FAT4: variants seen among roughly 807,000 people sequenced by gnomAD.
The protein encoded by FAT4 is protocadherin Fat 4.
FAT4 carries 84 observed loss-of-function variants against 303.9 expected under a neutral mutation model. The observed-to-expected ratio is 0.28, with a 90% CI of 0.23 to 0.33. The LOEUF (loss-of-function observed/expected upper bound fraction) is 0.33. Ranked by LOEUF, FAT4 falls within the 10% of genes least tolerant of loss-of-function variation. The probability of loss-of-function intolerance (pLI) is 1.00; values close to 1 mark genes in which losing one functional copy is unlikely to be tolerated. For missense variants in FAT4, 6,005 were observed against 6,146.8 expected (o/e 0.98, Z 0.77); for synonymous variants, 2,307 against 2,298.8 (o/e 1.00, Z -0.10).
chr4:125,474,440 TA>T (rs33932708), intron 12 of FAT4, among the ~76,000 whole-genome samples: 7,375 of 152,048 alleles, frequency 0.049, 204 homozygotes, highest in East Asian at 0.062. Context: ...TAATCATAAC[TA>T]TCAAAAGAGT....
chr4:125,417,460 G>A (rs1735119219), intron 7 of FAT4, among the ~76,000 whole-genome samples: 1 of 152,208 alleles, frequency 6.6e-6, no homozygotes, highest in Non-Finnish European at 1.5e-5. Context: ...ATCAGGGTCA[G>A]GGGGAAACCA....
chr4:125,432,616 A>AT (rs980368719), intron 7 of FAT4, among the ~76,000 whole-genome samples: 5 of 108,554 alleles, frequency 4.6e-5, no homozygotes, highest in East Asian at 1.1e-3. Context: ...AGGCATTTAC[A>AT]TTTTTTTTTA....
At chr4:125,455,688 G>A (rs4834047) in intron 10 of FAT4, among the ~76,000 whole-genome samples, 151,265 of 152,304 alleles carry the variant, frequency 0.99, 75,124 homozygotes, top group Middle Eastern at 1. Flanking sequence ...TATACATGTC[G>A]CACTCATCAC....
chr4:125,348,888 A>T (rs1051424579), intron 2 of FAT4, among the ~76,000 whole-genome samples: 1 of 151,794 alleles, frequency 6.6e-6, no homozygotes, highest in Non-Finnish European at 1.5e-5. Flanking sequence ...GGTTGGAGAA[A>T]TCTAAGAGTT....
chr4:125,448,366 CA>C, intron 9 of FAT4, 94 bp from the exon 10 acceptor site: 1 of 1,134,348 alleles, frequency 8.8e-7, no homozygotes, highest in Non-Finnish European at 1.3e-6. Flanking sequence ...AAGGTCACAT[CA>C]AGCAGCAATA....
intron 2 of FAT4, among the ~76,000 whole-genome samples, chr4:125,353,873 G>T (rs2251920): frequency 0.99 from 149,501 of 151,774 alleles, 73,643 homozygotes; most frequent in East Asian, 1. Flanking sequence ...AAGCCATAAT[G>T]ATAGAATCAA....
intron 8 of FAT4, among the ~76,000 whole-genome samples, chr4:125,440,608 T>TGAGAGAGAGA (rs766978076): frequency 0.15 from 8,530 of 55,338 alleles, 330 homozygotes; most frequent in East Asian, 0.19. Context: ...TGTGTGTGTG[T>TGAGAGAGAGA]GTGAGAGAGA....
In FAT4 at chr4:125,460,382, A is replaced by G. The variant is rs560447539; in HGVS notation, c.11801-3181A>G. On this transcript the variant is annotated intron_variant, in intron 10 of 17. Coordinates refer to ENST00000394329, the MANE Select transcript of FAT4 (RefSeq NM_001291303.3). ...CGTTATACAGATTATTTCATCAACTAGGAATTAAGCCCAATACCAAATAGT... is the reference window on the plus strand; with the variant it reads ...CGTTATACAGATTATTTCATCAACTGGGAATTAAGCCCAATACCAAATAGT... Among the ~76,000 whole-genome samples the G allele has an allele frequency of 6.6e-5, 10 of 152,124 alleles. No individual in the cohort carries two copies. The South Asian group carries it at 2.1e-3, about 32-fold the overall frequency.
Position 125,318,957 on chromosome 4 carries a change from C to T in FAT4, c.2546C>T (p.Thr849Ile), listed in dbSNP as rs557679997. 3 of 1,614,144 alleles carry T rather than the reference C, an allele frequency of 1.9e-6. No homozygotes were observed. The highest frequency in any genetic ancestry group is 4.5e-5 in the East Asian group (2 of 44,868). ...ATCAACCAGGTCACTGGGCAGCTTA[C>T]CACAGCAAATGTGATTGATAGAGAA... The part of the protein sequence containing the change: ...FAINQVTGQL[T>I]TANVIDREEQ... The change falls in exon 2 of 18, where the codon ACC becomes ATC. Residue 849 changes from threonine to isoleucine, a missense_variant. Physicochemically the swap from Thr to Ile is moderately conservative, Grantham distance 89. Transcript: ENST00000394329.
At chr4:125,439,419 G>A (rs1483668303) in intron 8 of FAT4, among the ~76,000 whole-genome samples, 2 of 149,814 alleles carry the variant, frequency 1.3e-5, no homozygotes, top group South Asian at 2.1e-4. Context: ...TGCAACCTCC[G>A]CCTTCCAGGT....
At chr4:125,342,232 T>C (rs549601151) in intron 2 of FAT4, among the ~76,000 whole-genome samples, 69 of 152,152 alleles carry the variant, frequency 4.5e-4, no homozygotes, top group African/African-American at 1.5e-3. Context: ...TATAAATTTC[T>C]AAAATTTCAG....
intron 2 of FAT4, among the ~76,000 whole-genome samples, chr4:125,350,282 G>C (rs969704777): frequency 1.3e-5 from 2 of 151,442 alleles, no homozygotes. Flanking sequence ...ATATTTGAAG[G>C]CTTTTTTTCT....
At chr4:125,413,126 G>A (rs557079095) in intron 5 of FAT4, among the ~76,000 whole-genome samples, 5 of 151,522 alleles carry the variant, frequency 3.3e-5, no homozygotes, top group East Asian at 1.9e-4. Flanking sequence ...ATGTATATAC[G>A]TATATTTACG....
chr4:125,408,326 C>T (rs957584848), intron 4 of FAT4, 118 bp from the exon 5 acceptor site: 63 of 594,918 alleles, frequency 1.1e-4, no homozygotes, highest in South Asian at 1.0e-3. Context: ...ATTTTCATAG[C>T]GGTTTTCAGT....
At chr4:125,368,925 G>C (rs1266321849) in intron 2 of FAT4, among the ~76,000 whole-genome samples, 1 of 152,066 alleles carries the variant, frequency 6.6e-6, no homozygotes, top group African/African-American at 2.4e-5. Context: ...ACACCCTTTA[G>C]ACTTCAGTGG....
intron 5 of FAT4, 118 bp downstream of exon 5, chr4:125,408,912 A>T (rs12510547): frequency 2.0e-6 from 1 of 504,250 alleles, no homozygotes; most frequent in Admixed American, 3.7e-5. Flanking sequence ...ATAGGTTGGA[A>T]GTTGAGGAAT....
chr4:125,482,004 G>C (rs997904990), intron 16 of FAT4, among the ~76,000 whole-genome samples: 5 of 152,134 alleles, frequency 3.3e-5, no homozygotes, highest in African/African-American at 1.2e-4. Context: ...CAAAGAATTA[G>C]TTGCAATCTA....
At chr4:125,346,433 A>G (rs11737230) in intron 2 of FAT4, among the ~76,000 whole-genome samples, 76,297 of 151,658 alleles carry the variant, frequency 0.5, 19,216 homozygotes, top group Admixed American at 0.57. Context: ...TGACAAACCA[A>G]TGAGCACAAA....
intron 8 of FAT4, among the ~76,000 whole-genome samples, chr4:125,441,556 C>G (rs1476465793): frequency 6.6e-6 from 1 of 152,154 alleles, no homozygotes; most frequent in African/African-American, 2.4e-5. Flanking sequence ...AGTTATATTT[C>G]ATAATTATTT....
Sources: allele counts gnomAD v4.1 joint callset (sites outside exome capture counted in the v4.1 genomes callset), GRCh38; gene constraint gnomAD v4.1.1; transcripts MANE v1.5; gene names NCBI Gene and HGNC (gene_info 2026-07-23, HGNC 2026-07-21).